FBXL17: variants seen among roughly 807,000 people sequenced by gnomAD.
FBXL17 encodes the protein F-box/LRR-repeat protein 17.
Under a neutral mutation model 66.2 loss-of-function variants are expected in FBXL17, and 22 were observed. The ratio of observed to expected loss-of-function variants is 0.33; its 90% confidence interval spans 0.24 to 0.47. FBXL17 has a LOEUF of 0.47. Among genes scored for constraint, FBXL17 ranks in the 20% least tolerant of loss-of-function variants. The probability of loss-of-function intolerance (pLI) is 1.00; values close to 1 mark genes in which losing one functional copy is unlikely to be tolerated. For synonymous variants in FBXL17, 474 were observed against 400.5 expected (o/e 1.18, Z -2.19); for missense variants, 878 against 948.2 (o/e 0.93, Z 0.97).
intron 7 of FBXL17, among the ~76,000 whole-genome samples, chr5:107,989,372 A>G (rs969243839): frequency 1.3e-5 from 2 of 152,120 alleles, no homozygotes; most frequent in African/African-American, 4.8e-5. Flanking sequence ...ACATATGAGT[A>G]AGATCATGTG....
At chr5:108,184,375 C>T (rs1322929792) in intron 6 of FBXL17, among the ~76,000 whole-genome samples, 2 of 150,848 alleles carry the variant, frequency 1.3e-5, no homozygotes, top group Non-Finnish European at 3.0e-5. Flanking sequence ...GGTGTGATCT[C>T]GGCTCACTGC....
chr5:108,138,340 C>G (rs1339399535), intron 6 of FBXL17, among the ~76,000 whole-genome samples: 2 of 152,110 alleles, frequency 1.3e-5, no homozygotes, highest in Non-Finnish European at 2.9e-5. Context: ...TTGCATTATC[C>G]ATAGAATTTA....
Position 108,050,732 on chromosome 5 carries a change from C to T in FBXL17, c.1746-29731G>A, listed in dbSNP as rs188093876. 6.1e-3 allele frequency among the ~76,000 whole-genome samples: 920 copies of T among 151,826 alleles called. 3 individuals carry two copies. The highest frequency in any genetic ancestry group is 0.01 in the Non-Finnish European group (681 of 67,918). ...GCAGAACTGAAGAAACTAAGAGACA[C>T]GAAACTCCCCCCCAAAAAATGAATG... On this transcript the variant is annotated intron_variant, in intron 6 of 8. Coordinates refer to ENST00000542267, the MANE Select transcript of FBXL17 (RefSeq NM_001163315.3).
intron 6 of FBXL17, among the ~76,000 whole-genome samples, chr5:108,154,356 G>A (rs1466788601): frequency 6.7e-6 from 1 of 149,818 alleles, no homozygotes; most frequent in Non-Finnish European, 1.5e-5. Context: ...CACTTTGAGA[G>A]GCCGAGGCAG....
chr5:108,071,274 C>A (rs1748320621), intron 6 of FBXL17, among the ~76,000 whole-genome samples: 6 of 152,116 alleles, frequency 3.9e-5, no homozygotes, highest in Non-Finnish European at 8.8e-5. Flanking sequence ...TTTTCATGAC[C>A]CTACTACACT....
At chr5:107,897,928 A>AGAAG (rs1749436504) in intron 7 of FBXL17, among the ~76,000 whole-genome samples, 2 of 152,186 alleles carry the variant, frequency 1.3e-5, no homozygotes, top group South Asian at 4.2e-4. Flanking sequence ...AAAGAAAGAA[A>AGAAG]GAAAAAGAAA....
At chr5:108,236,416 G>A (rs1755605489) in intron 4 of FBXL17, among the ~76,000 whole-genome samples, 1 of 151,786 alleles carries the variant, frequency 6.6e-6, no homozygotes, top group Admixed American at 6.6e-5. Flanking sequence ...AGGAGGCTGA[G>A]GCAGGAGAAT....
intron 7 of FBXL17, among the ~76,000 whole-genome samples, chr5:107,948,689 G>A (rs1361314786): frequency 6.6e-6 from 1 of 152,096 alleles, no homozygotes; most frequent in Non-Finnish European, 1.5e-5. Flanking sequence ...GGCCTTCAAG[G>A]CATACATGAT....
At chr5:108,315,575 C>A (rs1465194617) in intron 4 of FBXL17, among the ~76,000 whole-genome samples, 2 of 150,768 alleles carry the variant, frequency 1.3e-5, no homozygotes, top group African/African-American at 4.9e-5. Context: ...AATTATAATA[C>A]AACCAAGAGA....
chr5:107,860,642 AGTC>A lies in FBXL17; in HGVS notation c.*1075_*1077del, dbSNP rs879900477. ...AGATCTTTGCAGTAGCATGAGAACT[AGTC>A]CAAAATGACAACATGCATATATCCA... On this transcript the variant is annotated 3_prime_UTR_variant, in exon 9 of 9. Coordinates refer to ENST00000542267, the MANE Select transcript of FBXL17 (RefSeq NM_001163315.3). 5.2e-5 allele frequency: 8 copies of A among 152,660 alleles called. No individual in the cohort carries two copies. Among genetic ancestry groups the A allele is most frequent in the Non-Finnish European group, 1.2e-4 (8 of 68,038 alleles). The allele number at this position is 152,660 out of a possible 1,614,324, so 9.5% of individuals were successfully genotyped here.
intron 5 of FBXL17, among the ~76,000 whole-genome samples, chr5:108,212,171 C>T (rs1754404740): frequency 6.6e-6 from 1 of 152,122 alleles, no homozygotes; most frequent in Non-Finnish European, 1.5e-5. Flanking sequence ...TTTTTCAGCT[C>T]CAGCAGGTCA....
At chr5:108,179,753 C>T (rs1752930540) in intron 6 of FBXL17, among the ~76,000 whole-genome samples, 1 of 152,148 alleles carries the variant, frequency 6.6e-6, no homozygotes, top group Non-Finnish European at 1.5e-5. Flanking sequence ...ATAACTTCCA[C>T]CTGTTGACTA....
At chr5:108,161,294 G>C (rs1391119531) in intron 6 of FBXL17, among the ~76,000 whole-genome samples, 1 of 151,890 alleles carries the variant, frequency 6.6e-6, no homozygotes, top group African/African-American at 2.4e-5. Flanking sequence ...ACCAGCCTCG[G>C]CAACACAGTG....
chr5:107,930,342 T>C (rs1750688581), intron 7 of FBXL17, among the ~76,000 whole-genome samples: 1 of 152,172 alleles, frequency 6.6e-6, no homozygotes, highest in Admixed American at 6.5e-5. Context: ...GTTCTCTCAG[T>C]TTCTTTACCC....
chr5:108,377,290 T>G (rs971307318), intron 1 of FBXL17, among the ~76,000 whole-genome samples: 8 of 152,242 alleles, frequency 5.3e-5, no homozygotes, highest in Non-Finnish European at 7.3e-5. Context: ...TATCCCTTTA[T>G]GGTTCTCTCA....
At chr5:108,032,010 T>C (rs1293404958) in intron 6 of FBXL17, among the ~76,000 whole-genome samples, 2 of 152,204 alleles carry the variant, frequency 1.3e-5, no homozygotes, top group Non-Finnish European at 2.9e-5. Context: ...TAACAAACAT[T>C]TGCTAACATC....
At chr5:108,232,788 T>TGA (rs1755407865) in intron 4 of FBXL17, among the ~76,000 whole-genome samples, 2 of 120,482 alleles carry the variant, frequency 1.7e-5, no homozygotes, top group Non-Finnish European at 3.5e-5. Context: ...CTCACATATA[T>TGA]ATATATATAT....
At chr5:108,344,510 A>C (rs1747119590) in intron 4 of FBXL17, among the ~76,000 whole-genome samples, 2 of 152,120 alleles carry the variant, frequency 1.3e-5, no homozygotes, top group African/African-American at 4.8e-5. Context: ...AAATAGGCCA[A>C]ACACACACAT....
intron 6 of FBXL17, among the ~76,000 whole-genome samples, chr5:108,135,595 T>C (rs1404329112): frequency 6.6e-6 from 1 of 152,144 alleles, no homozygotes; most frequent in Non-Finnish European, 1.5e-5. Flanking sequence ...AAAAATTTCT[T>C]ACTGAGTAAA....
Sources: gnomAD v4.1 joint callset for allele counts (sites outside exome capture counted in the v4.1 genomes callset) on GRCh38, gnomAD v4.1.1 for gene constraint, MANE v1.5 for transcripts, NCBI Gene and HGNC (gene_info 2026-07-23, HGNC 2026-07-21) for gene names.